KDM5B: variants seen among roughly 807,000 people sequenced by gnomAD.
KDM5B encodes the protein lysine demethylase 5B.
In KDM5B, 144 loss-of-function variants were observed where a neutral mutation model predicts 193.4. The observed-to-expected ratio is 0.74, with a 90% confidence interval of 0.65 to 0.86. The LOEUF (loss-of-function observed/expected upper bound fraction) is 0.86, where lower values mean the gene tolerates loss of function less well. KDM5B is among the 40% of genes least tolerant of loss of function. The pLI, the probability that KDM5B is intolerant of heterozygous loss-of-function variation, is 0.00. For synonymous variants in KDM5B, 668 were observed against 682.6 expected, an observed-to-expected ratio of 0.98 and a Z score of 0.33; for missense variants, 1,833 against 1,886.9, an observed-to-expected ratio of 0.97 and a Z score of 0.53.
intron 2 of KDM5B, 37 bp downstream of exon 2, chr1:202,776,980 G>A (rs376826941): frequency 3.8e-6 from 5 of 1,317,934 alleles, no homozygotes; most frequent in Non-Finnish European, 5.5e-6. Flanking sequence ...CGGTCCCCCT[G>A]GAATACAGGC....
At chr1:202,800,701 C>A (rs1042880858) in intron 1 of KDM5B, among the ~76,000 whole-genome samples, 2 of 152,144 alleles carry the variant, frequency 1.3e-5, no homozygotes, top group Non-Finnish European at 2.9e-5. Context: ...AGGCTAAATA[C>A]CCACTCTGAC....
intron 7 of KDM5B, 103 bp from the exon 8 acceptor site, chr1:202,760,676 C>T (rs1656211301): frequency 1.4e-6 from 1 of 722,808 alleles, no homozygotes; most frequent in Non-Finnish European, 2.2e-6. Context: ...CTAGTCTCTA[C>T]ATCCTGCTAC....
In KDM5B at chr1:202,773,213, A is replaced by G. The variant is rs778516737; in HGVS notation, c.481T>C (p.Phe161Leu). 1 of 1,614,004 alleles carries G rather than the reference A, an allele frequency of 6.2e-7. No homozygotes were observed. Among genetic ancestry groups the G allele is most frequent in the South Asian group, 1.1e-5 (1 of 91,078 alleles). The part of the protein sequence containing the change: ...KWTKIATKMG[F>L]APGKAVGSHI... ...GAGCCCACTGCTTTGCCAGGAGCAA[A>G]CCCCATCTTGGTAGCAATTTTGGTC... The change falls in exon 4 of 27, where the codon TTT (phenylalanine) becomes CTT (leucine). Residue 161 changes from phenylalanine (F) to leucine (L), a missense_variant. Transcript: ENST00000367265.
intron 1 of KDM5B, chr1:202,796,282 A>G: frequency 2.4e-6 from 1 of 417,828 alleles, no homozygotes. Context: ...CCTATGACCA[A>G]ATGGTCCCCG....
rs1226481789 is a variant in KDM5B, at chr1:202,762,887, T to C, written c.809-79A>G. The C allele has an allele frequency of 3.9e-6, 3 of 776,042 alleles. No individual in the cohort carries two copies. In the Admixed American group the frequency reaches 5.6e-5, roughly 15 times the overall value. The allele number at this position is 776,042 out of a possible 1,614,324, so 48.1% of individuals were successfully genotyped here. On this transcript the variant is annotated intron_variant, in intron 6 of 26. Transcript: ENST00000367265. ...ATCATCTCCCTCCCAAAGCACATAC[T>C]GTACACAAACATAATTTCATGTGTG...
chr1:202,762,770 C>G lies in KDM5B; in HGVS notation c.847G>C (p.Glu283Gln). Residue 283 changes from glutamate (E) to glutamine (Q), a missense_variant, in exon 7 of 27, where the codon GAG becomes CAG. Physicochemically the swap from Glu to Gln is conservative, Grantham distance 29. This residue lies in a region of KDM5B where 355 missense variants were observed against 374.9 expected (regional missense o/e 0.95). Coordinates refer to ENST00000367265, the MANE Select transcript of KDM5B (RefSeq NM_006618.5). ...TTTTCTACAATATAATCTTTCCTCTCAATAGGTTCTTGCTTGATGCTACTC... is the reference window on the plus strand; with the variant it reads ...TTTTCTACAATATAATCTTTCCTCTGAATAGGTTCTTGCTTGATGCTACTC... ...MKSSIKQEPI[E>Q]RKDYIVENEK... 3.7e-6 allele frequency: 6 copies of G among 1,612,000 alleles called. No individual in the cohort carries two copies. Among genetic ancestry groups the G allele is most frequent in the Non-Finnish European group, 5.1e-6 (6 of 1,178,166 alleles).
chr1:202,767,099 T>A (rs760699827), intron 4 of KDM5B, 39 bp from the exon 5 acceptor site: 1 of 1,603,548 alleles, frequency 6.2e-7, no homozygotes, highest in Non-Finnish European at 8.5e-7. Flanking sequence ...CCCTCCTTTT[T>A]TTTTTCACAT....
In KDM5B at chr1:202,733,682, A is replaced by G; in HGVS notation, c.3628T>C (p.Ser1210Pro). The G allele has an allele frequency of 6.2e-7, 1 of 1,614,138 alleles. No homozygotes were observed. Among genetic ancestry groups the G allele is most frequent in the Non-Finnish European group, 8.5e-7 (1 of 1,180,010 alleles). ...CAAAGCCAGATTCGCAGGCCCTGTGAAATACTGGGTACCGCCACACAACTG... is the reference window on the plus strand; with the variant it reads ...CAAAGCCAGATTCGCAGGCCCTGTGGAATACTGGGTACCGCCACACAACTG... ...HTSCVAVPSI[S>P]QGLRIWLCPH... The change falls in exon 23 of 27, where the codon TCA (serine) becomes CCA (proline). Residue 1210 changes from serine (S) to proline (P), a missense_variant. Physicochemically the swap from Ser to Pro is moderately conservative, Grantham distance 74 (BLOSUM62 -1). Coordinates refer to ENST00000367265, the MANE Select transcript of KDM5B (RefSeq NM_006618.5).
Position 202,735,461 on chromosome 1 carries a change from C to G in KDM5B, c.3391G>C (p.Ala1131Pro). Residue 1131 changes from alanine to proline, a missense_variant, in exon 22 of 27, where the codon GCT (alanine) becomes CCT (proline). Physicochemically the swap from Ala to Pro is conservative, Grantham distance 27 (BLOSUM62 -1). Coordinates refer to ENST00000367265, the MANE Select transcript of KDM5B (RefSeq NM_006618.5). ...GCAGTCTCCTTGCTTTCAGTTAAAG[C>G]TCTCTCCAGGTCACTCAGACTCTCT... ...KLESLSDLER[A>P]LTESKETASA... The G allele has an allele frequency of 6.2e-7, 1 of 1,614,046 alleles. No individual in the cohort carries two copies. The highest frequency in any genetic ancestry group is 8.5e-7 in the Non-Finnish European group (1 of 1,179,952).
At chr1:202,794,001 T>C (rs1052797905) in intron 1 of KDM5B, among the ~76,000 whole-genome samples, 1 of 152,278 alleles carries the variant, frequency 6.6e-6, no homozygotes, top group African/African-American at 2.4e-5. Context: ...AAATACATCA[T>C]ATTGGATGAA....
intron 1 of KDM5B, among the ~76,000 whole-genome samples, chr1:202,779,697 G>A (rs1657114951): frequency 1.3e-5 from 2 of 151,844 alleles, no homozygotes; most frequent in Admixed American, 1.3e-4. Flanking sequence ...CAGCTACTCA[G>A]GAGTCTGAGG....
At chr1:202,767,162 C>A in intron 4 of KDM5B, 102 bp from the exon 5 acceptor site, 1 of 1,567,106 alleles carries the variant, frequency 6.4e-7, no homozygotes, top group African/African-American at 1.4e-5. Context: ...CGAGTTTGAT[C>A]TACTTCCAGA....
chr1:202,797,769 T>C (rs1014587741), intron 1 of KDM5B, among the ~76,000 whole-genome samples: 4 of 152,240 alleles, frequency 2.6e-5, no homozygotes, highest in Admixed American at 6.5e-5. Flanking sequence ...CCCTTCTTAA[T>C]ACAAATCTCA....
At chr1:202,745,813 A>G in intron 16 of KDM5B, 45 bp downstream of exon 16, 1 of 1,608,534 alleles carries the variant, frequency 6.2e-7, no homozygotes, top group Non-Finnish European at 8.5e-7. Context: ...ACATCACAAT[A>G]AGCCCCAATT....
At chr1:202,740,155 C>A (rs112150314) in intron 20 of KDM5B, among the ~76,000 whole-genome samples, 2 of 143,840 alleles carry the variant, frequency 1.4e-5, no homozygotes, top group African/African-American at 2.6e-5. Context: ...GGCAGAGGGG[C>A]TCCTCACTTC....
At position 202,736,274 on chromosome 1, in the gene KDM5B, GC is replaced by G. The variant is rs1655090559; in HGVS notation, c.3202del (p.Ala1068LeufsTer11). 6.2e-7 allele frequency: 1 copy of G among 1,612,278 alleles called. No homozygotes were observed. Among genetic ancestry groups the G allele is most frequent in the Non-Finnish European group, 8.5e-7 (1 of 1,179,242 alleles). The part of the protein sequence containing the change: ...RLETLVAEVQ[A>X]WKECAVNTFL... ...TGTATTAACAGCACATTCTTTCCAA[GC>G]CTGAACCTCAGCTACTAGGGTTTCC... On this transcript the variant is annotated frameshift_variant, in exon 21 of 27. Coordinates refer to ENST00000367265, the MANE Select transcript of KDM5B (RefSeq NM_006618.5). LOFTEE classifies it high-confidence loss of function.
chr1:202,757,859 A>G (rs1485503444), intron 9 of KDM5B, among the ~76,000 whole-genome samples: 2 of 152,228 alleles, frequency 1.3e-5, no homozygotes, highest in African/African-American at 4.8e-5. Flanking sequence ...GACAAAAATC[A>G]TAGCTTAAAT....
chr1:202,732,821 G>A (rs1654936173), intron 23 of KDM5B, among the ~76,000 whole-genome samples: 1 of 152,038 alleles, frequency 6.6e-6, no homozygotes, highest in Non-Finnish European at 1.5e-5. Flanking sequence ...TTCTTTTACT[G>A]CAGCCACCTA....
Position 202,736,257 on chromosome 1 carries a change from C to T in KDM5B, c.3220G>A (p.Val1074Ile), listed in dbSNP as rs779563398. The T allele has an allele frequency of 6.2e-7, 1 of 1,607,630 alleles. No homozygotes were observed. Among genetic ancestry groups the T allele is most frequent in the South Asian group, 1.1e-5 (1 of 90,360 alleles). ...AEVQAWKECA[V>I]NTFLTENSPY... ...GAATTCTCAGTCAAGAATGTATTAA[C>T]AGCACATTCTTTCCAAGCCTGAACC... Residue 1074 changes from valine to isoleucine, a missense_variant, in exon 21 of 27, where the codon GTT becomes ATT. Physicochemically the swap from Val to Ile is conservative, Grantham distance 29 (BLOSUM62 3). Transcript: ENST00000367265.
Sources: allele counts gnomAD v4.1 joint callset (sites outside exome capture counted in the v4.1 genomes callset), GRCh38; gene constraint gnomAD v4.1.1; regional missense constraint gnomAD v4.1.1; transcripts MANE v1.5; gene names NCBI Gene and HGNC (gene_info 2026-07-23, HGNC 2026-07-21).